Variants in PRKG1 observed in about 807,000 individuals in gnomAD.
PRKG1 encodes the protein cGMP-dependent protein kinase 1.
PRKG1 carries 35 observed loss-of-function variants against 88.1 expected under a neutral mutation model. The observed-to-expected ratio is 0.40, with a 90% CI of 0.30 to 0.53. The LOEUF (loss-of-function observed/expected upper bound fraction) is 0.53. Ranked by LOEUF, PRKG1 falls within the 20% of genes least tolerant of loss-of-function variation. The probability of loss-of-function intolerance (pLI) is 0.59; values close to 1 mark genes in which losing one functional copy is unlikely to be tolerated. For missense variants in PRKG1, 540 were observed against 839.8 expected (o/e 0.64, Z 4.41); for synonymous variants, 303 against 292.5 (o/e 1.04, Z -0.37).
intron 5 of PRKG1, among the ~76,000 whole-genome samples, chr10:52,004,975 A>G (rs2447641): frequency 0.7 from 106,130 of 151,802 alleles, 37,196 homozygotes; most frequent in East Asian, 0.92. Context: ...TTTAATCATT[A>G]TCAATATGAG....
intron 2 of PRKG1, among the ~76,000 whole-genome samples, chr10:51,344,251 G>C (rs888804563): frequency 6.6e-6 from 1 of 152,136 alleles, no homozygotes; most frequent in Non-Finnish European, 1.5e-5. Context: ...AGGAGCAGGA[G>C]AGAGAGCTGG....
intron 5 of PRKG1, among the ~76,000 whole-genome samples, chr10:52,016,713 T>G (rs773288997): frequency 8.7e-4 from 132 of 152,284 alleles, no homozygotes; most frequent in Non-Finnish European, 1.6e-3. Flanking sequence ...GCTCTGAGGA[T>G]GCAACAGTGA....
chr10:51,329,737 G>A (rs536840951), intron 2 of PRKG1, among the ~76,000 whole-genome samples: 1 of 151,844 alleles, frequency 6.6e-6, no homozygotes, highest in African/African-American at 2.4e-5. Flanking sequence ...TTTTTTGTTT[G>A]TTTGTTTGTT....
At chr10:51,877,248 T>C (rs527865081) in intron 4 of PRKG1, among the ~76,000 whole-genome samples, 2 of 152,266 alleles carry the variant, frequency 1.3e-5, no homozygotes, top group East Asian at 3.9e-4. Context: ...ATCTTTCTTT[T>C]CAGGAGGTTC....
chr10:51,483,994 T>C (rs1246912826), intron 3 of PRKG1, among the ~76,000 whole-genome samples: 1 of 151,958 alleles, frequency 6.6e-6, no homozygotes, highest in Admixed American at 6.6e-5. Flanking sequence ...GGAGGAGGAG[T>C]AGCTGTGAAA....
intron 2 of PRKG1, among the ~76,000 whole-genome samples, chr10:51,346,187 G>A (rs1476607546): frequency 6.6e-6 from 1 of 152,182 alleles, no homozygotes; most frequent in African/African-American, 2.4e-5. Context: ...GATCATTGTG[G>A]AATAGTGTTC....
intron 3 of PRKG1, among the ~76,000 whole-genome samples, chr10:51,755,587 CTTTTTGATAGAATTG>C (rs918389374): frequency 2.0e-5 from 3 of 152,174 alleles, no homozygotes; most frequent in Admixed American, 2.0e-4. Context: ...TTTATACTTA[CTTTTTGATAGAATTG>C]TAAACCAACC....
At chr10:51,345,613 C>T (rs1315866394) in intron 2 of PRKG1, among the ~76,000 whole-genome samples, 1 of 152,050 alleles carries the variant, frequency 6.6e-6, no homozygotes, top group Non-Finnish European at 1.5e-5. Flanking sequence ...TTTAAAATCC[C>T]ATACATAATC....
At chr10:52,096,939 G>A (rs1589603265) in intron 7 of PRKG1, among the ~76,000 whole-genome samples, 2 of 151,974 alleles carry the variant, frequency 1.3e-5, no homozygotes. Context: ...GCTCTGGGCT[G>A]GATACAGAGT....
At chr10:51,036,425 G>A (rs757947946) in intron 1 of PRKG1, among the ~76,000 whole-genome samples, 4 of 152,090 alleles carry the variant, frequency 2.6e-5, no homozygotes, top group African/African-American at 7.2e-5. Flanking sequence ...CCTGGGATAT[G>A]AGCATGGAGA....
intron 2 of PRKG1, among the ~76,000 whole-genome samples, chr10:51,220,774 T>G (rs996648636): frequency 4.6e-5 from 7 of 152,110 alleles, no homozygotes; most frequent in African/African-American, 7.2e-5. Context: ...TAATATACAT[T>G]GAATAAAACA....
chr10:51,360,726 T>C (rs963871191), intron 2 of PRKG1, among the ~76,000 whole-genome samples: 2 of 152,102 alleles, frequency 1.3e-5, no homozygotes, highest in South Asian at 2.1e-4. Flanking sequence ...ATGAATGCCA[T>C]TGACCTTCCG....
chr10:51,690,519 A>T (rs74461401), intron 3 of PRKG1, among the ~76,000 whole-genome samples: 4 of 152,276 alleles, frequency 2.6e-5, no homozygotes, highest in African/African-American at 9.6e-5. Context: ...AATCTACATA[A>T]GTAGATTCCT....
chr10:51,153,464 T>G, intron 2 of PRKG1, 134 bp downstream of exon 2: 1 of 822,436 alleles, frequency 1.2e-6, no homozygotes. Context: ...TTGAGAAGAG[T>G]TGAAACACTA....
chr10:51,113,057 T>C (rs1845016061), intron 1 of PRKG1, among the ~76,000 whole-genome samples: 2 of 152,192 alleles, frequency 1.3e-5, no homozygotes, highest in Admixed American at 1.3e-4. Context: ...CATGGAACAA[T>C]GATTTTACAC....
chr10:50,991,328 C>CACT lies in PRKG1; in HGVS notation c.-51_-50insACT. ...CCGTCCCAGCCGCCGCCGCCGCCGC[C>CACT]GCCGCCGCCGCCGCCCGAGAAAAAG... On this transcript the variant is annotated 5_prime_UTR_variant, in exon 1 of 18. Transcript: ENST00000401604. The surrounding 1 kb of genome is among the most constrained non-coding windows in gnomAD (Gnocchi z 4.5). 1 of 1,481,662 alleles carries CACT rather than the reference C, an allele frequency of 6.7e-7. No individual in the cohort carries two copies. The highest frequency in any genetic ancestry group is 9.0e-7 in the Non-Finnish European group (1 of 1,115,786). The allele number at this position is 1,481,662 out of a possible 1,614,324, so 91.8% of individuals were successfully genotyped here.
chr10:51,850,027 T>A (rs1333042010), intron 4 of PRKG1, among the ~76,000 whole-genome samples: 1 of 151,396 alleles, frequency 6.6e-6, no homozygotes, highest in Non-Finnish European at 1.5e-5. Context: ...TACGCCAGAA[T>A]GAATTTCAAA....
intron 3 of PRKG1, among the ~76,000 whole-genome samples, chr10:51,684,501 A>G (rs1039998595): frequency 6.6e-6 from 1 of 152,090 alleles, no homozygotes; most frequent in East Asian, 1.9e-4. Flanking sequence ...TAAAAATGTT[A>G]AAAAAAGACA....
At chr10:52,027,549 T>G (rs977311747) in intron 5 of PRKG1, among the ~76,000 whole-genome samples, 1 of 152,114 alleles carries the variant, frequency 6.6e-6, no homozygotes, top group East Asian at 1.9e-4. Flanking sequence ...GAGAATTACA[T>G]CTATTTTCCA....
Sources: allele counts gnomAD v4.1 joint callset (sites outside exome capture counted in the v4.1 genomes callset), GRCh38; gene constraint gnomAD v4.1.1; non-coding constraint Gnocchi (gnomAD v3.1); transcripts MANE v1.5; gene names NCBI Gene and HGNC (gene_info 2026-07-23, HGNC 2026-07-21).